The following SMO variants were observed in gnomAD, a reference collection of about 807,000 sequenced individuals.
SMO encodes the protein protein smoothened.
A neutral mutation model predicts 81.6 loss-of-function variants in SMO; 40 were observed. The observed-to-expected ratio is 0.49, with a 90% CI of 0.38 to 0.64. SMO has a LOEUF of 0.64. SMO is among the 30% of genes least tolerant of loss of function. SMO has a pLI of 0.00. For synonymous variants in SMO, 434 were observed against 432.1 expected, an observed-to-expected ratio of 1.00 and a Z score of -0.05; for missense variants, 916 against 1,061.1, an observed-to-expected ratio of 0.86 and a Z score of 1.90.
rs1459218183 is a variant in SMO, at chr7:129,211,512, T to C, written c.1802-124T>C. On this transcript the variant is annotated intron_variant, in intron 10 of 11. Coordinates refer to ENST00000249373, the MANE Select transcript of SMO (RefSeq NM_005631.5). This position sits in a 1 kb window ranked among gnomAD's most constrained non-coding sequence, Gnocchi z 4.6. ...GGTAGAGATCACCGTGGTTACAGGG[T>C]GAGCTTTCTCTGGTGAGCAGGAGGG... 17 of 1,071,072 alleles carry C rather than the reference T, an allele frequency of 1.6e-5. No individual in the cohort carries two copies. The highest frequency in any genetic ancestry group is 2.4e-5 in the Non-Finnish European group (17 of 703,882). The allele number at this position is 1,071,072 out of a possible 1,614,324, so 66.3% of individuals were successfully genotyped here.
chr7:129,210,486 C>A lies in SMO; in HGVS notation c.1590C>A (p.Ile530=). The A allele has an allele frequency of 1.2e-6, 2 of 1,614,122 alleles. No individual in the cohort carries two copies. The highest frequency in any genetic ancestry group is 2.2e-5 in the South Asian group (2 of 91,066). The change falls in exon 9 of 12, where the codon ATC becomes ATA. Residue 530 remains isoleucine, a synonymous_variant. Coordinates refer to ENST00000249373, the MANE Select transcript of SMO (RefSeq NM_005631.5). The surrounding 1 kb of genome is among the most constrained non-coding windows in gnomAD (Gnocchi z 4.7). ...TGTTTGCCATGTTTGGAACTGGCAT[C>A]GCCATGAGCACCTGGGTCTGGACCA... ...INLFAMFGTG[I]AMSTWVWTKA...
At chr7:129,197,577 G>A (rs1047643819) in intron 1 of SMO, among the ~76,000 whole-genome samples, 6 of 152,100 alleles carry the variant, frequency 3.9e-5, no homozygotes, top group African/African-American at 9.7e-5. Context: ...ACAGGCGCAT[G>A]CCACCACGCC....
chr7:129,193,785 A>AAAAT (rs1563145734), intron 1 of SMO, among the ~76,000 whole-genome samples: 18 of 26,350 alleles, frequency 6.8e-4, no homozygotes, highest in African/African-American at 1.5e-3. Context: ...AAAAAAAAAA[A>AAAAT]ATATATATAT....
rs537121530 is a variant in SMO, at chr7:129,192,317, G to A, written c.331+2835G>A. Among the ~76,000 whole-genome samples, 12 of 152,290 alleles carry A rather than the reference G, an allele frequency of 7.9e-5. No individual in the cohort carries two copies. The East Asian group carries it at 1.9e-3, about 24-fold the overall frequency. ...AAGTATAAGAGTTGCAGTAGAACTG[G>A]ATCAAAGCGTGTGAGGGGTGGAATT... On this transcript the variant is annotated intron_variant, in intron 1 of 11. Transcript: ENST00000249373.
At chr7:129,191,786 G>A (rs1423298190) in intron 1 of SMO, among the ~76,000 whole-genome samples, 1 of 152,096 alleles carries the variant, frequency 6.6e-6, no homozygotes, top group Non-Finnish European at 1.5e-5. Flanking sequence ...GTAGGAACTG[G>A]GTCTTCACTT....
At chr7:129,204,159 C>A (rs1793719092) in intron 2 of SMO, among the ~76,000 whole-genome samples, 1 of 151,332 alleles carries the variant, frequency 6.6e-6, no homozygotes, top group Non-Finnish European at 1.5e-5. Context: ...GTGGCAAAAC[C>A]CTGTCTCTAC....
chr7:129,191,151 C>G (rs1793475702), intron 1 of SMO, among the ~76,000 whole-genome samples: 1 of 152,184 alleles, frequency 6.6e-6, no homozygotes, highest in Non-Finnish European at 1.5e-5. Context: ...CTGTCCCTCT[C>G]TTTATTGATT....
At position 129,210,591 on chromosome 7, in the gene SMO, C is replaced by T; in HGVS notation, c.1652+43C>T. ...CCCCTCCTGCCCTGCCCGCCTCACC[C>T]TCAGCCTTGGGACCCCATCTTTAGG... is the stretch of plus-strand genomic sequence containing the variant. On this transcript the variant is annotated intron_variant, in intron 9 of 11. Coordinates refer to ENST00000249373, the MANE Select transcript of SMO (RefSeq NM_005631.5). The surrounding 1 kb of genome is among the most constrained non-coding windows in gnomAD (Gnocchi z 4.7). The T allele has an allele frequency of 1.3e-6, 2 of 1,517,408 alleles. No homozygotes were observed. Among genetic ancestry groups the T allele is most frequent in the Admixed American group, 1.7e-5 (1 of 59,690 alleles). 94.0% of individuals were successfully genotyped at this position (1,517,408 alleles called of 1,614,324 possible).
In SMO at chr7:129,212,557, G is replaced by C; in HGVS notation, c.*106G>C. 1 of 1,110,820 alleles carries C rather than the reference G, an allele frequency of 9.0e-7. No homozygotes were observed. The highest frequency in any genetic ancestry group is 1.6e-5 in the African/African-American group (1 of 64,410). The allele number at this position is 1,110,820 out of a possible 1,614,324, so 68.8% of individuals were successfully genotyped here. ...TAGGATCCCGTCTTCCAGAGAACCT[G>C]TGGGCTGACTGCCCTCCGAAGAGAG... On this transcript the variant is annotated 3_prime_UTR_variant, in exon 12 of 12. Coordinates refer to ENST00000249373, the MANE Select transcript of SMO (RefSeq NM_005631.5). This position sits in a 1 kb window ranked among gnomAD's most constrained non-coding sequence, Gnocchi z 5.0.
chr7:129,201,537 G>A (rs115740274), intron 1 of SMO, among the ~76,000 whole-genome samples: 98 of 152,174 alleles, frequency 6.4e-4, no homozygotes, highest in African/African-American at 2.1e-3. Context: ...ATAGAGAATC[G>A]TCCTTTAACC....
intron 1 of SMO, among the ~76,000 whole-genome samples, chr7:129,198,001 C>T (rs1322334009): frequency 6.6e-6 from 1 of 152,056 alleles, no homozygotes; most frequent in Non-Finnish European, 1.5e-5. Context: ...AAGCTGATAT[C>T]CCCTCTCTTT....
rs35934044 is a variant in SMO, at chr7:129,193,758, C to CAAA, written c.331+4302_331+4304dup. Among the ~76,000 whole-genome samples the CAAA allele has an allele frequency of 3.5e-3, 26 of 7,456 alleles. 5 individuals are homozygous for CAAA. Among genetic ancestry groups the CAAA allele is most frequent in the South Asian group, 0.034 (2 of 58 alleles). The allele number at this position is 7,456 out of a possible 152,430, so 4.9% of individuals were successfully genotyped here. On this transcript the variant is annotated intron_variant, in intron 1 of 11. Coordinates refer to ENST00000249373, the MANE Select transcript of SMO (RefSeq NM_005631.5). ...TGGGCGACAGACCGAGACTCCATCT[C>CAAA]AAAAAAAAAAAAAAAAAAAAAAAAA...
In SMO at chr7:129,211,695, C is replaced by G. The variant is rs1031386726; in HGVS notation, c.1861C>G (p.His621Asp). 6.2e-7 allele frequency: 1 copy of G among 1,613,812 alleles called. No homozygotes were observed. Among genetic ancestry groups the G allele is most frequent in the Non-Finnish European group, 8.5e-7 (1 of 1,179,948 alleles). ...SADVSSAWAQ[H>D]VTKMVARRGA... ...TGATGTCTCCTCTGCCTGGGCCCAG[C>G]ATGTCACCAAGATGGTGGCTCGGAG... Residue 621 changes from histidine (H) to aspartate (D), a missense_variant, in exon 11 of 12, where the codon CAT becomes GAT. His to Asp is a moderately conservative substitution (Grantham distance 81). Transcript: ENST00000249373. This position sits in a 1 kb window ranked among gnomAD's most constrained non-coding sequence, Gnocchi z 4.6.
Position 129,189,276 on chromosome 7 carries a change from G to T in SMO, c.125G>T (p.Arg42Leu). ...SSGNATGPGP[R>L]SAGGSARRSA... ...GGGAACGCGACCGGGCCTGGGCCTC[G>T]GAGCGCGGGCGGGAGCGCGAGGAGG... Residue 42 changes from arginine (R) to leucine (L), a missense_variant, in exon 1 of 12, where the codon CGG becomes CTG. This residue lies in a region of SMO where 146 missense variants were observed against 149.9 expected (regional missense o/e 0.97). Coordinates refer to ENST00000249373, the MANE Select transcript of SMO (RefSeq NM_005631.5). The surrounding 1 kb of genome is among the most constrained non-coding windows in gnomAD (Gnocchi z 4.7). The T allele has an allele frequency of 7.2e-7, 1 of 1,389,546 alleles. No homozygotes were observed. Among genetic ancestry groups the T allele is most frequent in the Non-Finnish European group, 9.2e-7 (1 of 1,082,016 alleles). The allele number at this position is 1,389,546 out of a possible 1,614,324, so 86.1% of individuals were successfully genotyped here. A position where few individuals can be genotyped will look rare whatever the true frequency, so the allele number is the denominator to read the frequency against.
rs1793900557 is a variant in SMO, at chr7:129,212,769, A to G, written c.*318A>G. ...ATGCAGAGCTTGTGGTGGGGCAGGAACGGTGGAGGCAGAGGTGACAGTTCC... is the reference window on the plus strand; with the variant it reads ...ATGCAGAGCTTGTGGTGGGGCAGGAGCGGTGGAGGCAGAGGTGACAGTTCC... On this transcript the variant is annotated 3_prime_UTR_variant, in exon 12 of 12. Coordinates refer to ENST00000249373, the MANE Select transcript of SMO (RefSeq NM_005631.5). The surrounding 1 kb of genome is among the most constrained non-coding windows in gnomAD (Gnocchi z 5.0). 2.5e-6 allele frequency: 1 copy of G among 400,054 alleles called. No homozygotes were observed. Among genetic ancestry groups the G allele is most frequent in the East Asian group, 4.0e-5 (1 of 24,910 alleles). 24.8% of individuals were successfully genotyped at this position (400,054 alleles called of 1,614,324 possible). A position where few individuals can be genotyped will look rare whatever the true frequency, so the allele number is the denominator to read the frequency against.
intron 6 of SMO, among the ~76,000 whole-genome samples, chr7:129,207,026 G>A (rs1793783609): frequency 6.6e-6 from 1 of 152,124 alleles, no homozygotes; most frequent in African/African-American, 2.4e-5. Flanking sequence ...TGTATTTTTA[G>A]TAGAGACGGG....
At position 129,211,046 on chromosome 7, in the gene SMO, G is replaced by A. The variant is rs2150654728; in HGVS notation, c.1734G>A (p.Glu578=). 1 of 1,614,058 alleles carries A rather than the reference G, an allele frequency of 6.2e-7. No homozygotes were observed. Among genetic ancestry groups the A allele is most frequent in the Non-Finnish European group, 8.5e-7 (1 of 1,179,980 alleles). ...CCAAGGCCTTCTCTAAGCGGCACGA[G>A]CTCCTGCAGAACCCAGGCCAGGAGC... ...MIAKAFSKRH[E]LLQNPGQELS... is the part of the protein sequence containing the mutation. Residue 578 remains glutamate, a synonymous_variant, in exon 10 of 12, where the codon GAG becomes GAA. Coordinates refer to ENST00000249373, the MANE Select transcript of SMO (RefSeq NM_005631.5). This position sits in a 1 kb window ranked among gnomAD's most constrained non-coding sequence, Gnocchi z 4.6.
At chr7:129,203,613 C>T in intron 2 of SMO, 24 bp downstream of exon 2, 1 of 1,575,404 alleles carries the variant, frequency 6.3e-7, no homozygotes, top group South Asian at 1.1e-5. Context: ...GAGACAAGGT[C>T]CAGGCTCTCT....
Position 129,212,684 on chromosome 7 carries a change from T to C in SMO, c.*233T>C. Reference sequence around the variant, plus strand: ...ACAGGGCCCTGGAGCTCAGGGTCCTTGTTTCTGCCCTGCCAGCTGCAGCCT... The same window carrying C: ...ACAGGGCCCTGGAGCTCAGGGTCCTCGTTTCTGCCCTGCCAGCTGCAGCCT... On this transcript the variant is annotated 3_prime_UTR_variant, in exon 12 of 12. Coordinates refer to ENST00000249373, the MANE Select transcript of SMO (RefSeq NM_005631.5). This position sits in a 1 kb window ranked among gnomAD's most constrained non-coding sequence, Gnocchi z 5.0. The C allele has an allele frequency of 1.8e-6, 1 of 563,692 alleles. No homozygotes were observed. The highest frequency in any genetic ancestry group is 3.1e-6 in the Non-Finnish European group (1 of 318,068). 34.9% of individuals were successfully genotyped at this position (563,692 alleles called of 1,614,324 possible). A position where few individuals can be genotyped will look rare whatever the true frequency, so the allele number is the denominator to read the frequency against.
Sources: allele counts gnomAD v4.1 joint callset (sites outside exome capture counted in the v4.1 genomes callset), GRCh38; gene constraint gnomAD v4.1.1; regional missense constraint gnomAD v4.1.1; non-coding constraint Gnocchi (gnomAD v3.1); transcripts MANE v1.5; gene names NCBI Gene and HGNC (gene_info 2026-07-23, HGNC 2026-07-21).